HAPLN1: variants seen among roughly 807,000 people sequenced by gnomAD.
HAPLN1 encodes Cartilage link protein.
Under a neutral mutation model 36.5 loss-of-function variants are expected in HAPLN1, and 13 were observed. The observed-to-expected ratio is 0.36, with a 90% CI of 0.23 to 0.57. HAPLN1 has a LOEUF of 0.57. Ranked by LOEUF, HAPLN1 falls within the 20% of genes least tolerant of loss-of-function variation. The probability of loss-of-function intolerance (pLI) is 0.83; values close to 1 mark genes in which losing one functional copy is unlikely to be tolerated. For missense variants in HAPLN1, 407 were observed against 439.7 expected (o/e 0.93, Z 0.66); for synonymous variants, 202 against 169.8 (o/e 1.19, Z -1.48).
At chr5:83,719,503 G>A (rs919214143) in intron 1 of HAPLN1, among the ~76,000 whole-genome samples, 4 of 152,108 alleles carry the variant, frequency 2.6e-5, no homozygotes, top group African/African-American at 9.7e-5. Context: ...GTATAAAAGT[G>A]ACTAAAGACT....
intron 1 of HAPLN1, among the ~76,000 whole-genome samples, chr5:83,710,825 C>T (rs1030489976): frequency 2.6e-4 from 40 of 152,162 alleles, no homozygotes; most frequent in Admixed American, 1.6e-3. Flanking sequence ...GTGGCAGGCG[C>T]CTGTAGTCCC....
rs992046358 is a variant in HAPLN1 at position 83,638,212 on chromosome 5, A to C, written c.*3284T>G. On this transcript the variant is annotated 3_prime_UTR_variant, in exon 5 of 5. Coordinates refer to ENST00000274341, the MANE Select transcript of HAPLN1 (RefSeq NM_001884.4). ...TTAAAAGATACTGCAGTAACACAAA[A>C]TTGACTTTTAATGTACCAGTTCATT... 3.3e-5 allele frequency: 5 copies of C among 152,172 alleles called. No individual in the cohort carries two copies. Among genetic ancestry groups the C allele is most frequent in the Non-Finnish European group, 7.4e-5 (5 of 67,906 alleles). The allele number at this position is 152,172 out of a possible 1,614,324, so 9.4% of individuals were successfully genotyped here.
At chr5:83,709,353 A>C (rs1253986499) in intron 1 of HAPLN1, among the ~76,000 whole-genome samples, 1 of 152,240 alleles carries the variant, frequency 6.6e-6, no homozygotes, top group Non-Finnish European at 1.5e-5. Context: ...TTAATCACAT[A>C]AAGCCTATGT....
intron 2 of HAPLN1, among the ~76,000 whole-genome samples, chr5:83,655,023 C>A (rs1348760572): frequency 6.6e-6 from 1 of 152,176 alleles, no homozygotes; most frequent in Non-Finnish European, 1.5e-5. Context: ...CAGTATTTTC[C>A]AACTAAGATA....
intron 3 of HAPLN1, among the ~76,000 whole-genome samples, chr5:83,648,768 G>T (rs1561300907): frequency 6.6e-6 from 1 of 152,042 alleles, no homozygotes; most frequent in Admixed American, 6.6e-5. Flanking sequence ...ATAGTCACAT[G>T]TAAGGATGTC....
At chr5:83,710,227 T>C (rs1751746402) in intron 1 of HAPLN1, among the ~76,000 whole-genome samples, 1 of 152,148 alleles carries the variant, frequency 6.6e-6, no homozygotes, top group South Asian at 2.1e-4. Context: ...GACAAGCATC[T>C]TGGGCAGAAG....
chr5:83,683,668 G>A lies in HAPLN1; in HGVS notation c.-26-10119C>T, dbSNP rs979343125. ...AAAATACAGAACCTGGAAAGCAAGG[G>A]AAGTGGTGACATTGTGCACTTCTTC... On this transcript the variant is annotated intron_variant, in intron 1 of 4. Coordinates refer to ENST00000274341, the MANE Select transcript of HAPLN1 (RefSeq NM_001884.4). Among the ~76,000 whole-genome samples, 3 of 152,136 alleles carry A rather than the reference G, an allele frequency of 2.0e-5. No homozygotes were observed. The South Asian group carries it at 6.2e-4, about 32-fold the overall frequency.
intron 1 of HAPLN1, among the ~76,000 whole-genome samples, chr5:83,697,907 T>A (rs1015930909): frequency 1.6e-4 from 25 of 152,158 alleles, no homozygotes; most frequent in Non-Finnish European, 2.8e-4. Context: ...ATTGTTGAAT[T>A]AGAATTTTTT....
intron 2 of HAPLN1, among the ~76,000 whole-genome samples, chr5:83,672,678 A>G (rs577583986): frequency 5.1e-4 from 78 of 152,322 alleles, no homozygotes; most frequent in African/African-American, 1.1e-3. Flanking sequence ...TGGTACCCCA[A>G]TGGAGTTTAT....
intron 1 of HAPLN1, 163 bp from the exon 2 acceptor site, chr5:83,673,712 G>A (rs908377161): frequency 1.7e-5 from 9 of 543,398 alleles, no homozygotes; most frequent in South Asian, 1.2e-4. Context: ...AGCCGAAGAC[G>A]GCAGCTTTGA....
intron 3 of HAPLN1, among the ~76,000 whole-genome samples, chr5:83,645,505 T>G (rs1293740001): frequency 1.7e-5 from 2 of 117,314 alleles, no homozygotes; most frequent in Non-Finnish European, 3.6e-5. Flanking sequence ...TCATCAGCTA[T>G]CATTAGTGTT....
chr5:83,697,584 T>C (rs1648398044), intron 1 of HAPLN1, among the ~76,000 whole-genome samples: 1 of 152,178 alleles, frequency 6.6e-6, no homozygotes. Context: ...TAACTATATG[T>C]TGAGCTCTTT....
chr5:83,673,852 G>T, intron 1 of HAPLN1: 1 of 250,456 alleles, frequency 4.0e-6, no homozygotes, highest in Non-Finnish European at 7.6e-6. Flanking sequence ...AAAGAGATGT[G>T]GCAAAAACAT....
intron 2 of HAPLN1, among the ~76,000 whole-genome samples, chr5:83,656,297 C>A (rs531091221): frequency 7.8e-6 from 1 of 128,206 alleles, no homozygotes; most frequent in Non-Finnish European, 1.5e-5. Context: ...CGCTGTACCC[C>A]AGCCTGGGCA....
chr5:83,642,339 G>T (rs956291099), intron 4 of HAPLN1, among the ~76,000 whole-genome samples: 6 of 152,208 alleles, frequency 3.9e-5, no homozygotes, highest in Non-Finnish European at 8.8e-5. Flanking sequence ...GAAGTCACTT[G>T]CCACAGATAA....
intron 2 of HAPLN1, among the ~76,000 whole-genome samples, chr5:83,661,432 C>CTTT (rs1215228143): frequency 2.1e-4 from 21 of 99,596 alleles, no homozygotes; most frequent in Non-Finnish European, 2.6e-4. Flanking sequence ...GTGAGAAAAG[C>CTTT]TTCTTTTTTT....
At chr5:83,663,946 C>G (rs1430406483) in intron 2 of HAPLN1, among the ~76,000 whole-genome samples, 1 of 152,094 alleles carries the variant, frequency 6.6e-6, no homozygotes, top group Non-Finnish European at 1.5e-5. Context: ...CACCGTAATC[C>G]ATTATTCACA....
At chr5:83,644,172 T>A (rs2112552798) in intron 4 of HAPLN1, among the ~76,000 whole-genome samples, 191 bp downstream of exon 4, 2 of 152,334 alleles carry the variant, frequency 1.3e-5, no homozygotes, top group South Asian at 4.1e-4. Context: ...ATATGTACTT[T>A]TGCTTGACTT....
Position 83,641,659 on chromosome 5 carries a change from T to C in HAPLN1, c.902A>G (p.Tyr301Cys). The C allele has an allele frequency of 2.5e-6, 4 of 1,614,202 alleles. No individual in the cohort carries two copies. The highest frequency in any genetic ancestry group is 3.4e-6 in the Non-Finnish European group (4 of 1,180,032). Residue 301 changes from tyrosine (Y) to cysteine (C), a missense_variant, in exon 5 of 5, where the codon TAT (tyrosine) becomes TGT (cysteine). Coordinates refer to ENST00000274341, the MANE Select transcript of HAPLN1 (RefSeq NM_001884.4). ...QIFAAWKILGYDRCDAGWLAD... is the reference protein window; with the variant it reads ...QIFAAWKILGCDRCDAGWLAD... ...CAACCAGCCCGCATCACAGCGGTCA[T>C]ATCCGAGAATTTTCCAGGCAGCAAA...
Sources: gnomAD v4.1 joint callset for allele counts (sites outside exome capture counted in the v4.1 genomes callset) on GRCh38, gnomAD v4.1.1 for gene constraint, MANE v1.5 for transcripts, NCBI Gene and HGNC (gene_info 2026-07-23, HGNC 2026-07-21) for gene names.